Variants in SPATA16 observed in about 807,000 individuals in gnomAD.
SPATA16 encodes the protein spermatogenesis-associated protein 16.
In SPATA16, 36 loss-of-function variants were observed where a neutral mutation model predicts 63.3. The ratio of observed to expected loss-of-function variants is 0.57; its 90% CI spans 0.44 to 0.75. The LOEUF is 0.75. Ranked by LOEUF, SPATA16 falls within the 30% of genes least tolerant of loss-of-function variation. SPATA16 has a pLI of 0.00. For synonymous variants in SPATA16, 203 were observed against 216.7 expected, an observed-to-expected ratio of 0.94 and a Z score of 0.56; for missense variants, 646 against 679.3, an observed-to-expected ratio of 0.95 and a Z score of 0.54.
chr3:172,922,027 A>T (rs999964797), intron 8 of SPATA16, among the ~76,000 whole-genome samples: 2 of 152,254 alleles, frequency 1.3e-5, no homozygotes, highest in Non-Finnish European at 2.9e-5. Context: ...AAAACACTAC[A>T]GAGGGCTCCT....
At chr3:173,126,258 G>A (rs1738225237) in intron 1 of SPATA16, among the ~76,000 whole-genome samples, 1 of 152,176 alleles carries the variant, frequency 6.6e-6, no homozygotes, top group African/African-American at 2.4e-5. Flanking sequence ...ATCCTTATAA[G>A]TGTGGTCCAT....
intron 1 of SPATA16, 124 bp downstream of exon 1, chr3:173,140,979 A>G (rs1738697816): frequency 6.6e-6 from 1 of 152,268 alleles, no homozygotes; most frequent in Non-Finnish European, 1.5e-5. Flanking sequence ...GTGGGCAGGA[A>G]GAAAGGAGCT....
chr3:172,902,046 T>G (rs1402984707), intron 10 of SPATA16, among the ~76,000 whole-genome samples: 1 of 152,160 alleles, frequency 6.6e-6, no homozygotes, highest in Non-Finnish European at 1.5e-5. Context: ...CCTTGTGTTT[T>G]TATTTTTGAG....
At chr3:173,065,331 A>G (rs1188990808) in intron 2 of SPATA16, among the ~76,000 whole-genome samples, 1 of 152,124 alleles carries the variant, frequency 6.6e-6, no homozygotes, top group Non-Finnish European at 1.5e-5. Flanking sequence ...TGCTCTCTTA[A>G]GGCAACTTCC....
At chr3:172,893,815 G>A (rs1270682185) in intron 10 of SPATA16, among the ~76,000 whole-genome samples, 1 of 152,228 alleles carries the variant, frequency 6.6e-6, no homozygotes. Context: ...TACTGAGAAG[G>A]AAGATGCTGG....
At chr3:173,111,672 G>T (rs1429991355) in intron 2 of SPATA16, among the ~76,000 whole-genome samples, 1 of 152,192 alleles carries the variant, frequency 6.6e-6, no homozygotes, top group Non-Finnish European at 1.5e-5. Flanking sequence ...GCAATTATAG[G>T]TGAGGCTGCC....
intron 4 of SPATA16, among the ~76,000 whole-genome samples, chr3:173,000,108 G>A (rs757452176): frequency 7.2e-5 from 11 of 152,320 alleles, no homozygotes; most frequent in South Asian, 4.1e-4. Flanking sequence ...AGGGCTTCAC[G>A]CTCCAGAATG....
At chr3:173,077,238 A>T (rs879813048) in intron 2 of SPATA16, among the ~76,000 whole-genome samples, 14 of 152,144 alleles carry the variant, frequency 9.2e-5, no homozygotes, top group African/African-American at 1.4e-4. Context: ...TTTTTTCACA[A>T]AGTTTGTTTT....
At chr3:172,945,412 A>G (rs1160262481) in intron 6 of SPATA16, among the ~76,000 whole-genome samples, 1 of 152,230 alleles carries the variant, frequency 6.6e-6, no homozygotes, top group Admixed American at 6.5e-5. Context: ...CTATCCATAC[A>G]AGAAATACCT....
At chr3:173,018,591 A>G (rs2108275879) in intron 4 of SPATA16, among the ~76,000 whole-genome samples, 1 of 152,200 alleles carries the variant, frequency 6.6e-6, no homozygotes, top group South Asian at 2.1e-4. Flanking sequence ...CCATTTTATT[A>G]TACACTCAAA....
chr3:172,930,831 C>T (rs900102523), intron 6 of SPATA16, among the ~76,000 whole-genome samples: 5 of 150,872 alleles, frequency 3.3e-5, no homozygotes, highest in South Asian at 2.1e-4. Flanking sequence ...AGATTACAGG[C>T]GTGAGCCACC....
chr3:172,922,059 G>A (rs1009820995), intron 8 of SPATA16, among the ~76,000 whole-genome samples: 23 of 152,208 alleles, frequency 1.5e-4, no homozygotes, highest in African/African-American at 5.5e-4. Flanking sequence ...CAATGGTACC[G>A]TGTAGGAATA....
intron 5 of SPATA16, among the ~76,000 whole-genome samples, chr3:172,961,597 G>A (rs149052910): frequency 0.039 from 5,886 of 152,134 alleles, 382 homozygotes; most frequent in African/African-American, 0.13. Flanking sequence ...GTTTCACCAT[G>A]TTAGTCAGGC....
At chr3:173,110,848 A>C (rs1329293606) in intron 2 of SPATA16, among the ~76,000 whole-genome samples, 1 of 152,224 alleles carries the variant, frequency 6.6e-6, no homozygotes, top group Non-Finnish European at 1.5e-5. Context: ...AATGGCAGTC[A>C]CTTGAGAACC....
intron 3 of SPATA16, among the ~76,000 whole-genome samples, chr3:173,036,913 G>T (rs1735725666): frequency 6.6e-6 from 1 of 151,870 alleles, no homozygotes; most frequent in African/African-American, 2.4e-5. Context: ...ATTTTGAAGT[G>T]AGTGAGTAAA....
intron 4 of SPATA16, among the ~76,000 whole-genome samples, chr3:173,013,806 G>A (rs1026118902): frequency 1.3e-5 from 2 of 152,138 alleles, no homozygotes; most frequent in African/African-American, 4.8e-5. Flanking sequence ...TAGTTACAGA[G>A]AACAGGAATC....
chr3:173,107,445 C>CTT lies in SPATA16; in HGVS notation c.612+9674_612+9675insAA, dbSNP rs753331044. Among the ~76,000 whole-genome samples, 77 of 143,012 alleles carry CTT rather than the reference C, an allele frequency of 5.4e-4. No individual in the cohort carries two copies. The Middle Eastern group carries it at 0.012, about 22-fold the overall frequency. The allele number at this position is 143,012 out of a possible 152,430, so 93.8% of individuals were successfully genotyped here. A position where few individuals can be genotyped will look rare whatever the true frequency, so the allele number is the denominator to read the frequency against. On this transcript the variant is annotated intron_variant, in intron 2 of 10. Transcript: ENST00000351008. ...ACCACACTGAGTGTGATGAAAATCTCTCTCTCTCTATTTTTTTTTTTTTTT... is the reference window on the plus strand; with the variant it reads ...ACCACACTGAGTGTGATGAAAATCTCTTTCTCTCTCTATTTTTTTTTTTTTTT...
At chr3:172,948,759 G>A (rs1300607869) in intron 6 of SPATA16, among the ~76,000 whole-genome samples, 1 of 152,062 alleles carries the variant, frequency 6.6e-6, no homozygotes, top group African/African-American at 2.4e-5. Context: ...GAGCCACCAC[G>A]CCTAGCCAAA....
chr3:172,934,828 G>GATT (rs1732944001), intron 6 of SPATA16, among the ~76,000 whole-genome samples: 1 of 152,126 alleles, frequency 6.6e-6, no homozygotes, highest in African/African-American at 2.4e-5. Context: ...GAGACACCTT[G>GATT]ATATATAGAT....
Sources: allele counts gnomAD v4.1 joint callset (sites outside exome capture counted in the v4.1 genomes callset), GRCh38; gene constraint gnomAD v4.1.1; transcripts MANE v1.5; gene names NCBI Gene and HGNC (gene_info 2026-07-23, HGNC 2026-07-21).